GRID2: variants seen among roughly 807,000 people sequenced by gnomAD.
The protein encoded by GRID2 is glutamate ionotropic receptor delta type subunit 2.
In GRID2, 33 loss-of-function variants were observed where a neutral mutation model predicts 114.8. The observed-to-expected ratio is 0.29, with a 90% CI of 0.22 to 0.38. The LOEUF is 0.38. GRID2 is among the 10% of genes least tolerant of loss of function. GRID2 has a pLI of 1.00. For missense variants in GRID2, 1,184 were observed against 1,257.7 expected (o/e 0.94, Z 0.89); for synonymous variants, 505 against 449.9 (o/e 1.12, Z -1.55).
chr4:93,165,897 T>G (rs916532424), intron 4 of GRID2, among the ~76,000 whole-genome samples: 1 of 152,128 alleles, frequency 6.6e-6, no homozygotes, highest in African/African-American at 2.4e-5. Flanking sequence ...TCATTTGTAT[T>G]TATTAATACT....
intron 1 of GRID2, among the ~76,000 whole-genome samples, chr4:92,536,134 T>G (rs752363122): frequency 1.3e-5 from 2 of 152,202 alleles, no homozygotes; most frequent in Non-Finnish European, 2.9e-5. Flanking sequence ...GGTGGCCTGC[T>G]TTTATTCCCT....
Position 93,227,998 on chromosome 4 carries a change from A to G in GRID2, c.1125+3223A>G, listed in dbSNP as rs550181333. Among the ~76,000 whole-genome samples, 5 of 152,316 alleles carry G rather than the reference A, an allele frequency of 3.3e-5. No individual in the cohort carries two copies. The East Asian group carries it at 7.7e-4, about 23-fold the overall frequency. On this transcript the variant is annotated intron_variant, in intron 7 of 15. Coordinates refer to ENST00000282020, the MANE Select transcript of GRID2 (RefSeq NM_001510.4). ...TCACTAGAATTGTTCTTAAAGCTCT[A>G]TTCACAGCAGTACAGTTTTTTTGCT...
chr4:93,517,126 A>C (rs925938975), intron 13 of GRID2, among the ~76,000 whole-genome samples: 2 of 152,068 alleles, frequency 1.3e-5, no homozygotes, highest in Non-Finnish European at 2.9e-5. Context: ...AGTTTTTGTC[A>C]AGATTAAATA....
intron 4 of GRID2, among the ~76,000 whole-genome samples, chr4:93,194,758 T>C (rs1011870283): frequency 4.6e-5 from 7 of 152,184 alleles, no homozygotes; most frequent in African/African-American, 1.7e-4. Context: ...ACAGTGGATC[T>C]CAAAATCATT....
intron 2 of GRID2, among the ~76,000 whole-genome samples, chr4:92,705,600 T>A (rs17019808): frequency 0.16 from 24,568 of 152,118 alleles, 2,166 homozygotes; most frequent in East Asian, 0.33. Context: ...CTAGGAAAAG[T>A]CAATGCCACT....
intron 2 of GRID2, among the ~76,000 whole-genome samples, chr4:92,876,031 G>C (rs1057358394): frequency 3.3e-5 from 5 of 151,956 alleles, no homozygotes; most frequent in Admixed American, 2.6e-4. Context: ...GTCATACAGT[G>C]TTCTCTTCTT....
At position 92,407,440 on chromosome 4, in the gene GRID2, A is replaced by G. The variant is rs112987095; in HGVS notation, c.88+102696A>G. On this transcript the variant is annotated intron_variant, in intron 1 of 15. Coordinates refer to ENST00000282020, the MANE Select transcript of GRID2 (RefSeq NM_001510.4). ...TAGAATGAATTATTTTTCTCTGGGT[A>G]TATACCTAGTAGTGGGATTGCTGTG... Among the ~76,000 whole-genome samples the G allele has an allele frequency of 4.6e-5, 7 of 152,290 alleles. No individual in the cohort carries two copies. In the South Asian group the frequency reaches 6.2e-4, roughly 14 times the overall value.
intron 3 of GRID2, among the ~76,000 whole-genome samples, chr4:93,108,195 C>T (rs977825560): frequency 2.0e-5 from 3 of 152,268 alleles, no homozygotes; most frequent in South Asian, 2.1e-4. Flanking sequence ...ATATATCCTC[C>T]TCCTCACCCT....
In GRID2 at chr4:93,347,826, G is replaced by A. The variant is rs574477320; in HGVS notation, c.1246-47781G>A. 1.2e-4 allele frequency among the ~76,000 whole-genome samples: 18 copies of A among 151,964 alleles called. No individual in the cohort carries two copies. In the South Asian group the frequency reaches 3.5e-3, roughly 30 times the overall value. ...CCCAGGCAGTTGCACTCCAGAGTAC[G>A]CAACTTAAACACTACCTTATACTGC... On this transcript the variant is annotated intron_variant, in intron 8 of 15. Transcript: ENST00000282020.
intron 1 of GRID2, among the ~76,000 whole-genome samples, chr4:92,463,437 C>T (rs1721593276): frequency 6.6e-6 from 1 of 151,908 alleles, no homozygotes; most frequent in Admixed American, 6.6e-5. Context: ...AAATTAGGCC[C>T]TGCTTTTCAT....
chr4:93,669,513 T>C (rs915078151), intron 14 of GRID2, among the ~76,000 whole-genome samples: 2 of 152,096 alleles, frequency 1.3e-5, no homozygotes, highest in Non-Finnish European at 2.9e-5. Context: ...TTTAGTGATA[T>C]ACTGAAGTTA....
chr4:93,302,524 G>A (rs1299476224), intron 8 of GRID2: 2 of 453,518 alleles, frequency 4.4e-6, no homozygotes, highest in Non-Finnish European at 8.8e-6. Context: ...CACTTATAAT[G>A]TTTAATTTGT....
chr4:93,495,116 C>G (rs1355666543), intron 12 of GRID2, among the ~76,000 whole-genome samples: 1 of 151,666 alleles, frequency 6.6e-6, no homozygotes, highest in Non-Finnish European at 1.5e-5. Flanking sequence ...TCAAAGGGAT[C>G]CCAACATCCC....
intron 4 of GRID2, among the ~76,000 whole-genome samples, chr4:93,128,050 A>C (rs913239522): frequency 1.4e-4 from 20 of 145,428 alleles, no homozygotes; most frequent in African/African-American, 2.6e-4. Context: ...AAAAAAAAAA[A>C]AAAAAAAAAC....
At chr4:93,630,806 CA>C (rs35728659) in intron 14 of GRID2, among the ~76,000 whole-genome samples, 26,987 of 151,444 alleles carry the variant, frequency 0.18, 2,750 homozygotes, top group Middle Eastern at 0.35. Context: ...CTTAGAATCA[CA>C]AAAAAAAGCA....
chr4:92,388,357 A>T (rs1242170761), intron 1 of GRID2, among the ~76,000 whole-genome samples: 3 of 152,006 alleles, frequency 2.0e-5, no homozygotes, highest in Non-Finnish European at 2.9e-5. Flanking sequence ...TCACAATAGT[A>T]TTCCCAATAC....
At chr4:93,126,952 ATTAC>A (rs1397222104) in intron 4 of GRID2, among the ~76,000 whole-genome samples, 1 of 152,146 alleles carries the variant, frequency 6.6e-6, no homozygotes, top group African/African-American at 2.4e-5. Flanking sequence ...TCCTATGATA[ATTAC>A]TTTTCACTTT....
At chr4:92,913,824 C>A (rs542524287) in intron 2 of GRID2, among the ~76,000 whole-genome samples, 2 of 151,822 alleles carry the variant, frequency 1.3e-5, no homozygotes, top group African/African-American at 2.4e-5. Context: ...TAAAGTGAAA[C>A]GACTCAAATT....
chr4:93,780,648 A>G (rs1303151173), intron 1 of GRID2, among the ~76,000 whole-genome samples: 2 of 152,142 alleles, frequency 1.3e-5, no homozygotes, highest in East Asian at 1.9e-4. Context: ...GTAGAGTGCA[A>G]TAGGAAAGTG....
Sources: allele counts gnomAD v4.1 joint callset (sites outside exome capture counted in the v4.1 genomes callset), GRCh38; gene constraint gnomAD v4.1.1; transcripts MANE v1.5; gene names NCBI Gene and HGNC (gene_info 2026-07-23, HGNC 2026-07-21).